DOK5: variants seen among roughly 807,000 people sequenced by gnomAD.
The protein encoded by DOK5 is downstream of tyrosine kinase 5.
In DOK5, 27 loss-of-function variants were observed where a neutral mutation model predicts 43.3. The ratio of observed to expected loss-of-function variants is 0.62; its 90% confidence interval spans 0.46 to 0.86. The LOEUF is 0.86. Among genes scored for constraint, DOK5 ranks in the 40% least tolerant of loss-of-function variants. The probability of loss-of-function intolerance (pLI) is 0.00; values close to 1 mark genes in which losing one functional copy is unlikely to be tolerated. For synonymous variants in DOK5, 146 were observed against 140.1 expected, an observed-to-expected ratio of 1.04 and a Z score of -0.30; for missense variants, 373 against 392.9, an observed-to-expected ratio of 0.95 and a Z score of 0.43.
At chr20:54,624,614 A>C (rs2146809340) in intron 6 of DOK5, among the ~76,000 whole-genome samples, 1 of 152,348 alleles carries the variant, frequency 6.6e-6, no homozygotes, top group East Asian at 1.9e-4. Flanking sequence ...AGGCCACAGA[A>C]AACTCAGTCC....
Position 54,498,375 on chromosome 20 carries a change from G to T in DOK5, c.66+22363G>T, listed in dbSNP as rs193036867. 6.2e-4 allele frequency among the ~76,000 whole-genome samples: 95 copies of T among 152,272 alleles called. 1 individual carries two copies. The highest frequency in any genetic ancestry group is 1.1e-3 in the Admixed American group (17 of 15,302). ...TTGTCATAAATTAGAGGATTAAATT[G>T]TCTTATTTCATATCCTACTATGTTT... On this transcript the variant is annotated intron_variant, in intron 1 of 7. Transcript: ENST00000262593.
chr20:54,579,541 A>C (rs1460462900), intron 2 of DOK5, among the ~76,000 whole-genome samples: 1 of 152,112 alleles, frequency 6.6e-6, no homozygotes, highest in Non-Finnish European at 1.5e-5. Flanking sequence ...TATATTCGTT[A>C]AACAGCAACC....
At chr20:54,535,304 A>G (rs1456493319) in intron 1 of DOK5, among the ~76,000 whole-genome samples, 1 of 150,414 alleles carries the variant, frequency 6.6e-6, no homozygotes, top group African/African-American at 2.5e-5. Context: ...TTTTTTTTTT[A>G]AAGAGTGCTT....
intron 5 of DOK5, among the ~76,000 whole-genome samples, chr20:54,603,674 C>T (rs1055294271): frequency 2.0e-5 from 3 of 152,066 alleles, no homozygotes; most frequent in African/African-American, 7.2e-5. Flanking sequence ...ACTACAACGC[C>T]CAGGACAGCC....
At chr20:54,619,474 A>G (rs373656830) in intron 6 of DOK5, among the ~76,000 whole-genome samples, 1 of 152,096 alleles carries the variant, frequency 6.6e-6, no homozygotes, top group African/African-American at 2.4e-5. Flanking sequence ...TGGGCTTGTC[A>G]TTTTTAGACT....
intron 5 of DOK5, among the ~76,000 whole-genome samples, chr20:54,609,269 A>G (rs1986566808): frequency 6.6e-6 from 1 of 152,198 alleles, no homozygotes; most frequent in Non-Finnish European, 1.5e-5. Context: ...CACTGAAGCT[A>G]CCGTTCAGTT....
intron 1 of DOK5, among the ~76,000 whole-genome samples, chr20:54,518,705 C>T (rs1212759944): frequency 6.6e-6 from 1 of 152,202 alleles, no homozygotes; most frequent in East Asian, 1.9e-4. Context: ...GCCACACTGA[C>T]TTCCACAATG....
At chr20:54,611,987 C>T (rs1044677642) in intron 6 of DOK5, among the ~76,000 whole-genome samples, 3 of 152,224 alleles carry the variant, frequency 2.0e-5, no homozygotes, top group African/African-American at 7.2e-5. Context: ...AAGTACTTAA[C>T]TGCCCTTGTA....
chr20:54,477,804 A>T (rs975687629), intron 1 of DOK5, among the ~76,000 whole-genome samples: 5 of 152,192 alleles, frequency 3.3e-5, no homozygotes, highest in African/African-American at 1.2e-4. Flanking sequence ...TAAGGATCAG[A>T]GTTTATGCCA....
chr20:54,528,933 C>T (rs1285664631), intron 1 of DOK5, among the ~76,000 whole-genome samples: 3 of 152,202 alleles, frequency 2.0e-5, no homozygotes, highest in East Asian at 1.9e-4. Context: ...CCAAGATTAG[C>T]GACATGATAG....
intron 2 of DOK5, among the ~76,000 whole-genome samples, chr20:54,563,680 T>A (rs2146738665): frequency 6.6e-6 from 1 of 151,040 alleles, no homozygotes; most frequent in Admixed American, 6.6e-5. Flanking sequence ...TTTTTTTTTT[T>A]TTTTTTACTT....
chr20:54,557,763 T>C (rs1178155935), intron 2 of DOK5, among the ~76,000 whole-genome samples: 1 of 152,178 alleles, frequency 6.6e-6, no homozygotes, highest in African/African-American at 2.4e-5. Context: ...AAATTGCTCC[T>C]CTAAGAGAGG....
intron 2 of DOK5, among the ~76,000 whole-genome samples, chr20:54,568,983 CAAAAAA>C (rs10542523): frequency 1.0e-5 from 1 of 96,234 alleles, no homozygotes. Context: ...GACTAAAACG[CAAAAAA>C]AAAAAAAAAA....
intron 1 of DOK5, among the ~76,000 whole-genome samples, chr20:54,492,050 CAT>C (rs1982199141): frequency 6.6e-6 from 1 of 151,596 alleles, no homozygotes; most frequent in African/African-American, 2.4e-5. Context: ...GTATATATGA[CAT>C]ATATATCATA....
At chr20:54,517,252 C>G (rs1184938598) in intron 1 of DOK5, among the ~76,000 whole-genome samples, 1 of 152,160 alleles carries the variant, frequency 6.6e-6, no homozygotes, top group Non-Finnish European at 1.5e-5. Context: ...AGCTTAGCTT[C>G]ATTTTCTTCA....
At chr20:54,477,154 T>C (rs1183049511) in intron 1 of DOK5, among the ~76,000 whole-genome samples, 1 of 152,160 alleles carries the variant, frequency 6.6e-6, no homozygotes, top group Non-Finnish European at 1.5e-5. Flanking sequence ...GTAAATTGAA[T>C]AGCTTTCTTT....
intron 1 of DOK5, among the ~76,000 whole-genome samples, chr20:54,478,344 G>A (rs913945860): frequency 2.0e-5 from 3 of 152,126 alleles, no homozygotes; most frequent in African/African-American, 4.8e-5. Flanking sequence ...GAATGTTAGC[G>A]GTATTAATCT....
chr20:54,641,883 A>G (rs1979135574), intron 6 of DOK5, among the ~76,000 whole-genome samples: 1 of 152,154 alleles, frequency 6.6e-6, no homozygotes, highest in African/African-American at 2.4e-5. Flanking sequence ...AGCTCTCGCC[A>G]ATGTGAAATT....
chr20:54,553,917 T>C (rs1201248058), intron 1 of DOK5, among the ~76,000 whole-genome samples: 1 of 141,026 alleles, frequency 7.1e-6, no homozygotes, highest in East Asian at 2.1e-4. Flanking sequence ...AAAAAAAAAA[T>C]TATACTTAGT....
Sources: gnomAD v4.1 joint callset for allele counts (sites outside exome capture counted in the v4.1 genomes callset) on GRCh38, gnomAD v4.1.1 for gene constraint, MANE v1.5 for transcripts, NCBI Gene and HGNC (gene_info 2026-07-23, HGNC 2026-07-21) for gene names.